Variants in ADGRL3 observed in about 807,000 individuals in gnomAD.
ADGRL3 encodes the protein adhesion G protein-coupled receptor L3.
ADGRL3 carries 62 observed loss-of-function variants against 153.5 expected under a neutral mutation model. The observed-to-expected ratio is 0.40, with a 90% CI of 0.33 to 0.50. ADGRL3 has a LOEUF of 0.50. Among genes scored for constraint, ADGRL3 ranks in the 20% least tolerant of loss-of-function variants. The pLI, the probability that ADGRL3 is intolerant of heterozygous loss-of-function variation, is 0.47. For missense variants in ADGRL3, 1,641 were observed against 1,859.4 expected, an observed-to-expected ratio of 0.88 and a Z score of 2.16; for synonymous variants, 710 against 672.5, an observed-to-expected ratio of 1.06 and a Z score of -0.86.
At chr4:61,225,823 C>T (rs1462434632) in intron 1 of ADGRL3, among the ~76,000 whole-genome samples, 1 of 152,176 alleles carries the variant, frequency 6.6e-6, no homozygotes, top group East Asian at 1.9e-4. Flanking sequence ...AGTGACTCAA[C>T]TCCAGCTCCT....
intron 9 of ADGRL3, among the ~76,000 whole-genome samples, chr4:61,868,509 C>T (rs1283018768): frequency 6.6e-6 from 1 of 152,138 alleles, no homozygotes; most frequent in Non-Finnish European, 1.5e-5. Flanking sequence ...GTCTCTATAA[C>T]AAACGAATGA....
rs1332645640 is a variant in ADGRL3 at position 61,947,139 on chromosome 4, T to G, written c.2628+17T>G. On this transcript the variant is annotated intron_variant, in intron 16 of 26. Coordinates refer to ENST00000683033, the MANE Select transcript of ADGRL3 (RefSeq NM_001387552.1). ...CATATCAAGGTAAGAAAATGGCATATTAGCTTGGTTGTTCATATTATCTGT... is the reference window on the plus strand; with the variant it reads ...CATATCAAGGTAAGAAAATGGCATAGTAGCTTGGTTGTTCATATTATCTGT... The G allele has an allele frequency of 1.3e-6, 2 of 1,584,052 alleles. No homozygotes were observed. The highest frequency in any genetic ancestry group is 3.3e-5 in the Admixed American group (2 of 59,840).
At chr4:61,959,842 C>T (rs1430667920) in intron 17 of ADGRL3, among the ~76,000 whole-genome samples, 1 of 152,076 alleles carries the variant, frequency 6.6e-6, no homozygotes, top group Non-Finnish European at 1.5e-5. Context: ...AAAGGTTGCA[C>T]AATCCTATTC....
chr4:61,236,324 T>C (rs992654528), intron 1 of ADGRL3, among the ~76,000 whole-genome samples: 2 of 152,108 alleles, frequency 1.3e-5, no homozygotes, highest in African/African-American at 4.8e-5. Flanking sequence ...TATCAGTGTT[T>C]CTAAGCATGA....
At chr4:61,295,801 A>AT (rs1179815411) in intron 1 of ADGRL3, among the ~76,000 whole-genome samples, 1 of 135,862 alleles carries the variant, frequency 7.4e-6, no homozygotes, top group Non-Finnish European at 1.7e-5. Context: ...CACTACACAG[A>AT]TTTAAAAAAA....
At chr4:61,836,857 G>A (rs1017210640) in intron 9 of ADGRL3, among the ~76,000 whole-genome samples, 3 of 152,024 alleles carry the variant, frequency 2.0e-5, no homozygotes, top group African/African-American at 7.2e-5. Context: ...CACTGTAAGT[G>A]TAGTAGTAAT....
chr4:61,290,783 G>T (rs1303164594), intron 1 of ADGRL3, among the ~76,000 whole-genome samples: 1 of 151,898 alleles, frequency 6.6e-6, no homozygotes, highest in Non-Finnish European at 1.5e-5. Flanking sequence ...GTCTTCATAT[G>T]TTCTTTTATT....
At chr4:61,721,004 A>T (rs1049615946) in intron 6 of ADGRL3, among the ~76,000 whole-genome samples, 3 of 151,492 alleles carry the variant, frequency 2.0e-5, no homozygotes, top group African/African-American at 7.4e-5. Flanking sequence ...ATTAAATAAG[A>T]TAATAGAGGA....
intron 2 of ADGRL3, among the ~76,000 whole-genome samples, chr4:61,466,563 C>A (rs1368678634): frequency 1.3e-5 from 2 of 152,062 alleles, no homozygotes; most frequent in East Asian, 3.9e-4. Context: ...AAAGAGTGGA[C>A]CTGGTACTAT....
chr4:61,597,899 C>A (rs1420024028), intron 5 of ADGRL3, among the ~76,000 whole-genome samples: 5 of 152,106 alleles, frequency 3.3e-5, no homozygotes, highest in African/African-American at 7.2e-5. Flanking sequence ...CCAGTTTCAT[C>A]AGTTAAAATC....
In ADGRL3 at chr4:61,935,032, C is replaced by T. The variant is rs373386794; in HGVS notation, c.2296+9C>T. On this transcript the variant is annotated intron_variant, in intron 14 of 26. Transcript: ENST00000683033. The stretch of plus-strand genomic sequence containing the variant: ...GAATACAGACAATATTAGTAAGTGG[C>T]CTTTGTTATTCAGAAGGTCCAGACA... 35 of 1,611,822 alleles carry T rather than the reference C, an allele frequency of 2.2e-5. No individual in the cohort carries two copies. Among genetic ancestry groups the T allele is most frequent in the Non-Finnish European group, 3.0e-5 (35 of 1,178,412 alleles).
chr4:61,727,611 C>G (rs896807366), intron 6 of ADGRL3, among the ~76,000 whole-genome samples: 3 of 152,108 alleles, frequency 2.0e-5, no homozygotes, highest in Admixed American at 6.5e-5. Context: ...TAGATCACTG[C>G]AGGCTGTTTT....
At chr4:61,436,225 G>A (rs2097443679) in intron 2 of ADGRL3, among the ~76,000 whole-genome samples, 1 of 151,926 alleles carries the variant, frequency 6.6e-6, no homozygotes, top group Non-Finnish European at 1.5e-5. Flanking sequence ...TTCTAAAGAG[G>A]TTATAAAACA....
Position 61,733,579 on chromosome 4 carries a change from C to T in ADGRL3, c.1399+25C>T, listed in dbSNP as rs775491505. On this transcript the variant is annotated intron_variant, in intron 8 of 26. Coordinates refer to ENST00000683033, the MANE Select transcript of ADGRL3 (RefSeq NM_001387552.1). ...GGTAAGTTCAACCTTTTGTGGTACT[C>T]TTTGGGGAAATATTTACTGTTTGTT... 3.4e-6 allele frequency: 5 copies of T among 1,470,236 alleles called. No homozygotes were observed. The Admixed American group carries it at 9.5e-5, about 28-fold the overall frequency. 91.1% of individuals were successfully genotyped at this position (1,470,236 alleles called of 1,614,324 possible).
At chr4:61,935,319 C>G (rs1000933031) in intron 14 of ADGRL3, among the ~76,000 whole-genome samples, 3 of 152,044 alleles carry the variant, frequency 2.0e-5, no homozygotes, top group Admixed American at 6.6e-5. Context: ...ATGTATTACA[C>G]TATTTAAAAT....
chr4:61,774,402 A>C (rs2097123314), intron 8 of ADGRL3, among the ~76,000 whole-genome samples: 2 of 151,478 alleles, frequency 1.3e-5, no homozygotes, highest in South Asian at 4.2e-4. Context: ...AGGAAAGGGA[A>C]ACATAAAAAA....
intron 4 of ADGRL3, among the ~76,000 whole-genome samples, chr4:61,531,407 A>G (rs1459755153): frequency 2.0e-5 from 3 of 152,174 alleles, no homozygotes; most frequent in Non-Finnish European, 4.4e-5. Context: ...GATTGTGGAA[A>G]GGGAAAAGAG....
chr4:62,069,158 T>C (rs1744551209), intron 26 of ADGRL3, among the ~76,000 whole-genome samples: 1 of 152,128 alleles, frequency 6.6e-6, no homozygotes, highest in South Asian at 2.1e-4. Context: ...AAGAAATATG[T>C]GGTCAGATTT....
chr4:61,399,057 G>T (rs2096900367), intron 2 of ADGRL3, among the ~76,000 whole-genome samples: 1 of 151,654 alleles, frequency 6.6e-6, no homozygotes. Context: ...GTCCTGAATG[G>T]ACCATTTATA....
Sources: gnomAD v4.1 joint callset for allele counts (sites outside exome capture counted in the v4.1 genomes callset) on GRCh38, gnomAD v4.1.1 for gene constraint, MANE v1.5 for transcripts, NCBI Gene and HGNC (gene_info 2026-07-23, HGNC 2026-07-21) for gene names.